Variants in MALRD1 observed in about 807,000 individuals in gnomAD.
MALRD1 encodes the protein MAM and LDL-receptor class A domain-containing protein 1.
Under a neutral mutation model 242.1 loss-of-function variants are expected in MALRD1, and 247 were observed. That is an observed-to-expected ratio of 1.02 (90% confidence interval 0.92 to 1.13). The LOEUF is 1.13. MALRD1 is among the 50% of genes most tolerant of loss of function. MALRD1 has a pLI of 0.00. For synonymous variants in MALRD1, 995 were observed against 866.6 expected, an observed-to-expected ratio of 1.15 and a Z score of -2.60; for missense variants, 2,989 against 2,533.1, an observed-to-expected ratio of 1.18 and a Z score of -3.86.
chr10:19,585,082 A>G lies in MALRD1; in HGVS notation c.5681-10112A>G, dbSNP rs1837319215. On this transcript the variant is annotated intron_variant, in intron 33 of 39. Coordinates refer to ENST00000454679, the MANE Select transcript of MALRD1 (RefSeq NM_001142308.3). ...TTTTTGTTTTCCATTTGTTTGGTAG[A>G]TCTTCCTCCATCCTTTTATTTTGTG... Among the ~76,000 whole-genome samples the G allele has an allele frequency of 2.0e-5, 3 of 152,012 alleles. No individual in the cohort carries two copies. The South Asian group carries it at 6.2e-4, about 32-fold the overall frequency.
intron 11 of MALRD1, among the ~76,000 whole-genome samples, chr10:19,152,394 G>A (rs185693245): frequency 6.6e-6 from 1 of 152,128 alleles, no homozygotes; most frequent in Admixed American, 6.5e-5. Context: ...AATTATCATA[G>A]GATAGCATTT....
intron 29 of MALRD1, chr10:19,489,056 G>T (rs894277339): frequency 2.2e-6 from 1 of 458,136 alleles, no homozygotes. Flanking sequence ...GTGGAGGGGC[G>T]GCAGCGCCAG....
intron 4 of MALRD1, among the ~76,000 whole-genome samples, chr10:19,103,659 G>A (rs1836359931): frequency 6.6e-6 from 1 of 152,092 alleles, no homozygotes; most frequent in African/African-American, 2.4e-5. Context: ...TCCAAAAGCA[G>A]GTAAATGCGA....
intron 7 of MALRD1, among the ~76,000 whole-genome samples, chr10:19,125,109 C>T (rs1308976060): frequency 6.6e-6 from 1 of 151,164 alleles, no homozygotes; most frequent in African/African-American, 2.4e-5. Flanking sequence ...CCATGCCTGG[C>T]TAATTTTTGA....
At chr10:19,306,091 C>CTATATACTA (rs1554829379) in intron 21 of MALRD1, among the ~76,000 whole-genome samples, 3 of 109,986 alleles carry the variant, frequency 2.7e-5, no homozygotes, top group African/African-American at 3.9e-5. Flanking sequence ...ACTATATATA[C>CTATATACTA]TATATACTAG....
intron 32 of MALRD1, among the ~76,000 whole-genome samples, chr10:19,549,173 G>T (rs1227219559): frequency 6.6e-6 from 1 of 152,200 alleles, no homozygotes; most frequent in Non-Finnish European, 1.5e-5. Context: ...TGGAAGAAAA[G>T]TTGGAAGCTA....
In MALRD1 at chr10:19,605,447, C is replaced by T. The variant is rs568604752; in HGVS notation, c.5945-2330C>T. On this transcript the variant is annotated intron_variant, in intron 34 of 39. Coordinates refer to ENST00000454679, the MANE Select transcript of MALRD1 (RefSeq NM_001142308.3). The stretch of plus-strand genomic sequence containing the variant: ...CATTCCAAAGTGCTGGGATTACAGG[C>T]GTGAGCCACTGCGCCTGGACCAGCT... 8.0e-5 allele frequency among the ~76,000 whole-genome samples: 12 copies of T among 149,562 alleles called. No homozygotes were observed. In the South Asian group the frequency reaches 2.4e-3, roughly 29 times the overall value.
intron 19 of MALRD1, among the ~76,000 whole-genome samples, chr10:19,278,253 T>TA (rs1840632203): frequency 6.6e-6 from 1 of 152,356 alleles, no homozygotes; most frequent in South Asian, 2.1e-4. Flanking sequence ...TCATTGCCCA[T>TA]AAAGACCTTG....
At chr10:19,592,490 G>A (rs1404531176) in intron 33 of MALRD1, among the ~76,000 whole-genome samples, 1 of 152,168 alleles carries the variant, frequency 6.6e-6, no homozygotes, top group Non-Finnish European at 1.5e-5. Context: ...GCTGTCATCT[G>A]GCAACCTCCC....
chr10:19,629,059 C>A (rs1839800220), intron 36 of MALRD1, among the ~76,000 whole-genome samples: 1 of 152,174 alleles, frequency 6.6e-6, no homozygotes, highest in African/African-American at 2.4e-5. Context: ...ACTCCAATCA[C>A]ATATGCTAAC....
At chr10:19,519,730 A>G (rs965898084) in intron 31 of MALRD1, among the ~76,000 whole-genome samples, 5 of 152,172 alleles carry the variant, frequency 3.3e-5, no homozygotes, top group African/African-American at 9.7e-5. Context: ...CGCCACTGCA[A>G]TGTAGCCAGG....
intron 14 of MALRD1, among the ~76,000 whole-genome samples, chr10:19,177,312 G>A (rs542346519): frequency 1.3e-5 from 2 of 150,284 alleles, no homozygotes; most frequent in Admixed American, 1.3e-4. Flanking sequence ...GAGTTTTTAA[G>A]GGTTAAACAG....
intron 4 of MALRD1, among the ~76,000 whole-genome samples, chr10:19,095,377 G>A (rs776630892): frequency 1.3e-5 from 2 of 152,094 alleles, no homozygotes; most frequent in Admixed American, 6.6e-5. Flanking sequence ...AATGACACCC[G>A]TATGGCACGA....
intron 18 of MALRD1, among the ~76,000 whole-genome samples, chr10:19,228,507 T>G (rs1837895619): frequency 6.6e-6 from 1 of 152,228 alleles, no homozygotes; most frequent in African/African-American, 2.4e-5. Flanking sequence ...CCCATTAAAT[T>G]GCACATTTAA....
intron 36 of MALRD1, among the ~76,000 whole-genome samples, chr10:19,683,982 T>C (rs1404749564): frequency 6.6e-6 from 1 of 152,086 alleles, no homozygotes; most frequent in Non-Finnish European, 1.5e-5. Flanking sequence ...CCTGTGTCCA[T>C]GTGTTCTCAT....
At chr10:19,543,587 G>C (rs1589222457) in intron 32 of MALRD1, among the ~76,000 whole-genome samples, 1 of 151,656 alleles carries the variant, frequency 6.6e-6, no homozygotes, top group East Asian at 1.9e-4. Flanking sequence ...TCCGCTTTTT[G>C]AGTTATGTAG....
At chr10:19,471,696 G>A (rs1836507040) in intron 29 of MALRD1, among the ~76,000 whole-genome samples, 1 of 117,280 alleles carries the variant, frequency 8.5e-6, no homozygotes. Flanking sequence ...AGATGGGTTT[G>A]TTTGCCTAAT....
intron 38 of MALRD1, among the ~76,000 whole-genome samples, chr10:19,705,804 T>TGAAAAAAA (rs71388859): frequency 8.7e-5 from 9 of 102,868 alleles, no homozygotes; most frequent in Non-Finnish European, 1.4e-4. Context: ...CCTGCAATAG[T>TGAAAAAAA]AAAAAAAAAA....
intron 28 of MALRD1, among the ~76,000 whole-genome samples, chr10:19,391,804 C>A (rs1042336368): frequency 1.3e-5 from 2 of 152,204 alleles, no homozygotes; most frequent in African/African-American, 4.8e-5. Flanking sequence ...ATTGTAAAGT[C>A]TTGAGAGCAA....
Sources: allele counts gnomAD v4.1 joint callset (sites outside exome capture counted in the v4.1 genomes callset), GRCh38; gene constraint gnomAD v4.1.1; transcripts MANE v1.5; gene names NCBI Gene and HGNC (gene_info 2026-07-23, HGNC 2026-07-21).